EOGT: variants seen among roughly 807,000 people sequenced by gnomAD.
EOGT encodes EGF domain-specific O-linked N-acetylglucosamine transferase.
In EOGT, 55 loss-of-function variants were observed where a neutral mutation model predicts 70.5. The observed-to-expected ratio is 0.78, with a 90% confidence interval of 0.63 to 0.98. The LOEUF (loss-of-function observed/expected upper bound fraction) is 0.98. Among genes scored for constraint, EOGT ranks in the 50% least tolerant of loss-of-function variants. The pLI is 0.00. For synonymous variants in EOGT, 246 were observed against 217.1 expected, an observed-to-expected ratio of 1.13 and a Z score of -1.17; for missense variants, 703 against 641.9, an observed-to-expected ratio of 1.10 and a Z score of -1.03.
At chr3:68,995,666 A>C (rs1478079817) in intron 10 of EOGT, among the ~76,000 whole-genome samples, 1 of 152,194 alleles carries the variant, frequency 6.6e-6, no homozygotes, top group Admixed American at 6.5e-5. Context: ...AAAAGCATGC[A>C]ACAGGTACAA....
At chr3:68,984,989 T>C (rs931038048) in intron 14 of EOGT, among the ~76,000 whole-genome samples, 1 of 152,166 alleles carries the variant, frequency 6.6e-6, no homozygotes, top group Non-Finnish European at 1.5e-5. Context: ...CCGGGTGACC[T>C]TAGGCATGTT....
At chr3:68,990,900 T>C (rs927498494) in intron 10 of EOGT, among the ~76,000 whole-genome samples, 1 of 55,632 alleles carries the variant, frequency 1.8e-5, no homozygotes, top group Non-Finnish European at 3.5e-5. Context: ...CTGTTAGATG[T>C]GAAAAAAAAA....
intron 13 of EOGT, 78 bp downstream of exon 13, chr3:68,988,217 G>A (rs2090872193): frequency 2.0e-6 from 2 of 1,008,426 alleles, no homozygotes; most frequent in African/African-American, 1.6e-5. Flanking sequence ...GATTATTTCT[G>A]TTTCTGAAAA....
intron 6 of EOGT, among the ~76,000 whole-genome samples, chr3:69,005,760 G>A (rs1426013142): frequency 1.3e-5 from 2 of 152,226 alleles, no homozygotes; most frequent in South Asian, 2.1e-4. Context: ...AATAATTGAA[G>A]AAAGGAGTCG....
intron 8 of EOGT, among the ~76,000 whole-genome samples, chr3:69,003,033 A>G (rs1358934269): frequency 6.6e-6 from 1 of 152,170 alleles, no homozygotes; most frequent in Non-Finnish European, 1.5e-5. Flanking sequence ...ATACAGGAGT[A>G]GCAGGAGAGT....
At chr3:68,991,643 T>C (rs1168015700) in intron 10 of EOGT, among the ~76,000 whole-genome samples, 3 of 152,180 alleles carry the variant, frequency 2.0e-5, no homozygotes, top group African/African-American at 7.2e-5. Flanking sequence ...AGAGAATGTA[T>C]TTTCCATAAG....
At chr3:68,982,743 C>G (rs1345029442) in intron 15 of EOGT, 68 bp downstream of exon 15, 6 of 1,191,028 alleles carry the variant, frequency 5.0e-6, no homozygotes, top group Non-Finnish European at 7.1e-6. Flanking sequence ...TGGAAAAATG[C>G]TTTCTAGCCC....
chr3:69,009,284 A>T (rs2091510184), intron 4 of EOGT, among the ~76,000 whole-genome samples: 1 of 152,242 alleles, frequency 6.6e-6, no homozygotes, highest in African/African-American at 2.4e-5. Context: ...ATTAAGTGCT[A>T]ACCGATCCTC....
At position 69,009,853 on chromosome 3, in the gene EOGT, C is replaced by T. The variant is rs770908171; in HGVS notation, c.-7G>A. ...AGACAAACAACATTAACATAGCAAC[C>T]TGCAAACCTAGAGATCAAAATGAAG... On this transcript the variant is annotated 5_prime_UTR_variant, in exon 4 of 18. Transcript: ENST00000383701. 1 of 1,609,588 alleles carries T rather than the reference C, an allele frequency of 6.2e-7. No homozygotes were observed. Among genetic ancestry groups the T allele is most frequent in the African/African-American group, 1.3e-5 (1 of 74,246 alleles).
chr3:68,987,988 C>T, intron 13 of EOGT: 1 of 393,274 alleles, frequency 2.5e-6, no homozygotes, highest in Non-Finnish European at 4.6e-6. Flanking sequence ...GATCTTGGCT[C>T]ACTGCAGCCT....
Position 69,008,771 on chromosome 3 carries a change from C to A in EOGT, c.211-243G>T, listed in dbSNP as rs536395958. Among the ~76,000 whole-genome samples the A allele has an allele frequency of 2.0e-5, 3 of 152,328 alleles. No individual in the cohort carries two copies. In the South Asian group the frequency reaches 6.2e-4, roughly 32 times the overall value. On this transcript the variant is annotated intron_variant, in intron 4 of 17. Transcript: ENST00000383701. Reference sequence around the variant, plus strand: ...CCCCTAACCGAAAGTCTGGGCTTTACCTAGACGCTCAAAGACCACTTGAAT... The same window carrying A: ...CCCCTAACCGAAAGTCTGGGCTTTAACTAGACGCTCAAAGACCACTTGAAT...
intron 9 of EOGT, 141 bp from the exon 10 acceptor site, chr3:68,998,255 A>G: frequency 1.7e-6 from 1 of 597,994 alleles, no homozygotes; most frequent in South Asian, 2.1e-5. Flanking sequence ...TTGTTTTTCC[A>G]AACATGAAAT....
intron 9 of EOGT, among the ~76,000 whole-genome samples, chr3:69,000,562 G>A (rs1312382089): frequency 2.0e-5 from 3 of 152,198 alleles, no homozygotes; most frequent in Non-Finnish European, 4.4e-5. Flanking sequence ...TCAGAAGGCA[G>A]AGCACATTAA....
rs922586038 is a variant in EOGT at position 69,013,628 on chromosome 3, G to C, written c.-410C>G. ...GGAGGAGGCGGAGGAGACGGCGGCT[G>C]TTCCAGAGGAGGGAGTCGTCATAAC... On this transcript the variant is annotated 5_prime_UTR_variant, in exon 1 of 18. Coordinates refer to ENST00000383701, the MANE Select transcript of EOGT (RefSeq NM_001278689.2). 2.6e-5 allele frequency: 4 copies of C among 153,434 alleles called. No individual in the cohort carries two copies. Among genetic ancestry groups the C allele is most frequent in the African/African-American group, 9.6e-5 (4 of 41,494 alleles). The allele number at this position is 153,434 out of a possible 1,614,324, so 9.5% of individuals were successfully genotyped here.
At chr3:69,012,170 T>A (rs897987454) in intron 2 of EOGT, among the ~76,000 whole-genome samples, 179 bp from the exon 3 acceptor site, 3 of 152,122 alleles carry the variant, frequency 2.0e-5, no homozygotes, top group African/African-American at 7.2e-5. Context: ...ACTGCTATAC[T>A]CGAGTTCACA....
At chr3:68,996,942 C>G (rs1463759636) in intron 10 of EOGT, among the ~76,000 whole-genome samples, 1 of 152,224 alleles carries the variant, frequency 6.6e-6, no homozygotes, top group Non-Finnish European at 1.5e-5. Flanking sequence ...AGCACAAGTA[C>G]TGTGTACCAG....
Position 68,984,075 on chromosome 3 carries a change from C to T in EOGT, c.1153-1203G>A, listed in dbSNP as rs569615174. ...AAGTGAAATAACTTTCCCAGGATCT[C>T]ACAGCTCCCAAATGCACAGCCAAAA... On this transcript the variant is annotated intron_variant, in intron 14 of 17. Coordinates refer to ENST00000383701, the MANE Select transcript of EOGT (RefSeq NM_001278689.2). Among the ~76,000 whole-genome samples the T allele has an allele frequency of 2.6e-5, 4 of 152,326 alleles. No homozygotes were observed. The South Asian group carries it at 8.3e-4, about 32-fold the overall frequency.
chr3:68,984,295 A>G (rs556703530), intron 14 of EOGT, among the ~76,000 whole-genome samples: 23 of 152,250 alleles, frequency 1.5e-4, no homozygotes, highest in African/African-American at 5.5e-4. Context: ...CTGAAATCTT[A>G]TAAAGAGTTG....
intron 17 of EOGT, among the ~76,000 whole-genome samples, chr3:68,978,104 G>A (rs1361947005): frequency 6.6e-6 from 1 of 152,162 alleles, no homozygotes; most frequent in Non-Finnish European, 1.5e-5. Context: ...TAATCTAATA[G>A]ATCTTTCTAA....
Sources: allele counts gnomAD v4.1 joint callset (sites outside exome capture counted in the v4.1 genomes callset), GRCh38; gene constraint gnomAD v4.1.1; transcripts MANE v1.5; gene names NCBI Gene and HGNC (gene_info 2026-07-23, HGNC 2026-07-21).